The following EIF3E variants were observed in gnomAD, a reference collection of about 807,000 sequenced individuals.
EIF3E encodes the protein eukaryotic translation initiation factor 3 subunit E.
EIF3E carries 25 observed loss-of-function variants against 59.3 expected under a neutral mutation model. That is an observed-to-expected ratio of 0.42 (90% CI 0.31 to 0.59). The LOEUF is 0.59. EIF3E is among the 20% of genes least tolerant of loss of function. The probability of loss-of-function intolerance (pLI) is 0.15; values close to 1 mark genes in which losing one functional copy is unlikely to be tolerated. For missense variants in EIF3E, 317 were observed against 534.3 expected, an observed-to-expected ratio of 0.59 and a Z score of 4.01; for synonymous variants, 176 against 170.2, an observed-to-expected ratio of 1.03 and a Z score of -0.26.
chr8:108,214,749 G>A (rs772102069), intron 9 of EIF3E, 33 bp from the exon 10 acceptor site: 2 of 1,553,500 alleles, frequency 1.3e-6, no homozygotes, highest in East Asian at 4.5e-5. Flanking sequence ...AATTAATGAT[G>A]CTGACAAGCA....
At chr8:108,210,704 G>A (rs905455061) in intron 10 of EIF3E, among the ~76,000 whole-genome samples, 8 of 151,976 alleles carry the variant, frequency 5.3e-5, no homozygotes, top group Non-Finnish European at 8.8e-5. Context: ...CCATTAACTC[G>A]TCATTTACAT....
At chr8:108,233,677 GAAA>G in intron 5 of EIF3E, 2 of 359,290 alleles carry the variant, frequency 5.6e-6, no homozygotes, top group Non-Finnish European at 1.1e-5. Context: ...CTCCATCTTG[GAAA>G]AAAAAAAATT....
rs990972985 is a variant in EIF3E, at chr8:108,223,690, G to A, written c.722+4577C>T. On this transcript the variant is annotated intron_variant, in intron 7 of 12. Coordinates refer to ENST00000220849, the MANE Select transcript of EIF3E (RefSeq NM_001568.3). ...CATTTAGTGGCAAAGCCTCATCTCC[G>A]ATAGCCTACGAACACTGCTCTATCT... 1.8e-4 allele frequency among the ~76,000 whole-genome samples: 28 copies of A among 152,180 alleles called. 1 individual carries two copies. The highest frequency in any genetic ancestry group is 1.2e-3 in the Admixed American group (18 of 15,284).
At chr8:108,216,992 A>AT (rs1428095347) in intron 8 of EIF3E, among the ~76,000 whole-genome samples, 1 of 152,164 alleles carries the variant, frequency 6.6e-6, no homozygotes, top group Non-Finnish European at 1.5e-5. Flanking sequence ...TATTGTATAT[A>AT]AAGTTCACCC....
rs1174738632 is a variant in EIF3E, at chr8:108,224,910, C to T, written c.722+3357G>A. 2.0e-5 allele frequency among the ~76,000 whole-genome samples: 3 copies of T among 151,510 alleles called. 1 individual carries two copies. Among genetic ancestry groups the T allele is most frequent in the African/African-American group, 7.3e-5 (3 of 40,826 alleles). On this transcript the variant is annotated intron_variant, in intron 7 of 12. Coordinates refer to ENST00000220849, the MANE Select transcript of EIF3E (RefSeq NM_001568.3). ...CACTTTTGCAGTTTTAAAAAACACA[C>T]AAAAAGTTTCAACTATGTCCTTGAA...
At chr8:108,227,071 T>C (rs1815529374) in intron 7 of EIF3E, among the ~76,000 whole-genome samples, 2 of 152,206 alleles carry the variant, frequency 1.3e-5, no homozygotes, top group South Asian at 4.1e-4. Flanking sequence ...ATGCCTGTAA[T>C]CTCAGCACTT....
At chr8:108,226,730 G>A (rs948534104) in intron 7 of EIF3E, among the ~76,000 whole-genome samples, 2 of 152,040 alleles carry the variant, frequency 1.3e-5, no homozygotes, top group African/African-American at 4.8e-5. Context: ...ATTCCCATAT[G>A]CACACACTTT....
intron 10 of EIF3E, among the ~76,000 whole-genome samples, chr8:108,209,473 T>C (rs1815166367): frequency 6.6e-6 from 1 of 152,132 alleles, no homozygotes; most frequent in African/African-American, 2.4e-5. Context: ...ATTTTGAAAT[T>C]TCCCAAAATT....
chr8:108,203,256 T>C (rs977136273), intron 11 of EIF3E, 139 bp from the exon 12 acceptor site: 75 of 1,283,608 alleles, frequency 5.8e-5, no homozygotes, highest in East Asian at 2.2e-4. Context: ...AGAAAAAAAA[T>C]AGGAGGCTTC....
At chr8:108,211,325 AT>A (rs1429472182) in intron 10 of EIF3E, among the ~76,000 whole-genome samples, 2 of 152,018 alleles carry the variant, frequency 1.3e-5, no homozygotes, top group Non-Finnish European at 2.9e-5. Context: ...TGTGGTTTTG[AT>A]TTGCATTTCT....
chr8:108,246,963 A>G (rs1342840970), intron 1 of EIF3E, among the ~76,000 whole-genome samples: 2 of 152,184 alleles, frequency 1.3e-5, no homozygotes, highest in African/African-American at 4.8e-5. Context: ...GGGAGTCAAA[A>G]CTTATAACGG....
chr8:108,231,013 T>C (rs1257720121), intron 5 of EIF3E, among the ~76,000 whole-genome samples: 5 of 152,240 alleles, frequency 3.3e-5, no homozygotes, highest in African/African-American at 7.2e-5. Flanking sequence ...CCCAGGACCA[T>C]GGGTGGAGTA....
Position 108,240,003 on chromosome 8 carries a change from T to C in EIF3E, c.278A>G (p.Lys93Arg). The stretch of plus-strand genomic sequence containing the variant: ...TGTAGTTTCTGGATCTTCAAACATC[T>C]TCACAATTGGTTCTGTTTCTGCCTG... ...QLQAETEPIV[K>R]MFEDPETTRQ... The change falls in exon 3 of 13, where the codon AAG becomes AGG. Residue 93 changes from lysine to arginine, a missense_variant. By Grantham distance (26) the Lys-to-Arg change is conservative (BLOSUM62 2). Around this residue, in one of 4 missense-constraint regions of EIF3E, gnomAD observed 242 missense variants for 398.0 expected, o/e 0.61. Coordinates refer to ENST00000220849, the MANE Select transcript of EIF3E (RefSeq NM_001568.3). The C allele has an allele frequency of 1.9e-6, 3 of 1,614,100 alleles. No individual in the cohort carries two copies. Among genetic ancestry groups the C allele is most frequent in the Non-Finnish European group, 2.5e-6 (3 of 1,179,988 alleles).
intron 6 of EIF3E, 25 bp downstream of exon 6, chr8:108,229,045 A>G (rs767267014): frequency 1.5e-5 from 23 of 1,585,122 alleles, no homozygotes; most frequent in East Asian, 2.3e-5. Context: ...ATTTCAGAGA[A>G]TAACTGTGAA....
At position 108,240,005 on chromosome 8, in the gene EIF3E, C is replaced by T; in HGVS notation, c.276G>A (p.Val92=). 6.2e-7 allele frequency: 1 copy of T among 1,614,064 alleles called. No homozygotes were observed. Among genetic ancestry groups the T allele is most frequent in the South Asian group, 1.1e-5 (1 of 91,074 alleles). Residue 92 remains valine (V), a synonymous_variant, in exon 3 of 13, where the codon GTG becomes GTA. Transcript: ENST00000220849. ...TAGTTTCTGGATCTTCAAACATCTT[C>T]ACAATTGGTTCTGTTTCTGCCTGAA... ...KQLQAETEPI[V]KMFEDPETTR...
At chr8:108,221,713 G>C (rs1167186705) in intron 7 of EIF3E, 7 of 152,024 alleles carry the variant, frequency 4.6e-5, no homozygotes, top group South Asian at 2.1e-4. Context: ...AAACTGAGAA[G>C]AGTATGAGGT....
chr8:108,215,143 G>T (rs1255861484), intron 9 of EIF3E, among the ~76,000 whole-genome samples: 1 of 152,148 alleles, frequency 6.6e-6, no homozygotes, highest in Non-Finnish European at 1.5e-5. Flanking sequence ...GTAATTAAGA[G>T]AGAATATTTT....
At chr8:108,232,674 G>C (rs1015945488) in intron 5 of EIF3E, among the ~76,000 whole-genome samples, 2 of 152,140 alleles carry the variant, frequency 1.3e-5, no homozygotes, top group South Asian at 4.1e-4. Flanking sequence ...TTTTGTAGCA[G>C]TGTAGCAAGT....
chr8:108,203,942 AT>A (rs1427617266), intron 10 of EIF3E, among the ~76,000 whole-genome samples: 1 of 152,154 alleles, frequency 6.6e-6, no homozygotes, highest in African/African-American at 2.4e-5. Flanking sequence ...CAAACAAACA[AT>A]AAAAAAGAAT....
Sources: gnomAD v4.1 joint callset for allele counts (sites outside exome capture counted in the v4.1 genomes callset) on GRCh38, gnomAD v4.1.1 for gene constraint, gnomAD v4.1.1 regional missense constraint, MANE v1.5 for transcripts, NCBI Gene and HGNC (gene_info 2026-07-23, HGNC 2026-07-21) for gene names.